TBC1D8: variants seen among roughly 807,000 people sequenced by gnomAD.
TBC1D8 encodes the protein TBC1 domain family member 8.
In TBC1D8, 65 loss-of-function variants were observed where a neutral mutation model predicts 118.8. That is an observed-to-expected ratio of 0.55 (90% CI 0.45 to 0.67). The LOEUF (loss-of-function observed/expected upper bound fraction) is 0.67. Ranked by LOEUF, TBC1D8 falls within the 30% of genes least tolerant of loss-of-function variation. The pLI is 0.00. For missense variants in TBC1D8, 1,376 were observed against 1,471.2 expected (o/e 0.94, Z 1.06); for synonymous variants, 566 against 595.8 (o/e 0.95, Z 0.73).
chr2:101,039,940 T>C (rs1180825335), intron 6 of TBC1D8, among the ~76,000 whole-genome samples: 1 of 152,158 alleles, frequency 6.6e-6, no homozygotes, highest in Non-Finnish European at 1.5e-5. Flanking sequence ...TTTTCAGCAG[T>C]CACTTGTTGG....
intron 3 of TBC1D8, among the ~76,000 whole-genome samples, chr2:101,056,266 T>C (rs988267237): frequency 1.7e-4 from 25 of 151,388 alleles, no homozygotes; most frequent in African/African-American, 5.8e-4. Flanking sequence ...TGCAGTGGCG[T>C]GATCTCGGCT....
chr2:101,043,030 G>A (rs1681477913), intron 5 of TBC1D8, among the ~76,000 whole-genome samples: 1 of 152,176 alleles, frequency 6.6e-6, no homozygotes, highest in Admixed American at 6.5e-5. Flanking sequence ...CCATCACACA[G>A]AGATGGCACA....
intron 1 of TBC1D8, among the ~76,000 whole-genome samples, chr2:101,121,755 T>C (rs1294886406): frequency 1.3e-5 from 2 of 152,314 alleles, no homozygotes; most frequent in South Asian, 4.1e-4. Flanking sequence ...AGGACTGATA[T>C]ACAGAGTTCA....
At chr2:101,099,107 G>A (rs893194573) in intron 1 of TBC1D8, among the ~76,000 whole-genome samples, 1 of 147,464 alleles carries the variant, frequency 6.8e-6, no homozygotes, top group African/African-American at 2.5e-5. Flanking sequence ...AAATTAACAA[G>A]ACCACTAGCT....
At chr2:101,085,073 G>C (rs545426052) in intron 2 of TBC1D8, among the ~76,000 whole-genome samples, 1 of 151,730 alleles carries the variant, frequency 6.6e-6, no homozygotes, top group African/African-American at 2.4e-5. Flanking sequence ...GGATGGTCGC[G>C]ATCTCCTGAC....
In TBC1D8 at chr2:101,108,792, T is replaced by G. The variant is rs1677396881; in HGVS notation, c.128-18428A>C. Among the ~76,000 whole-genome samples the G allele has an allele frequency of 2.1e-5, 3 of 141,292 alleles. No homozygotes were observed. The South Asian group carries it at 7.5e-4, about 35-fold the overall frequency. 92.7% of individuals were successfully genotyped at this position (141,292 alleles called of 152,430 possible). A position where few individuals can be genotyped will look rare whatever the true frequency, so the allele number is the denominator to read the frequency against. On this transcript the variant is annotated intron_variant, in intron 1 of 19. Coordinates refer to ENST00000409318, the MANE Select transcript of TBC1D8 (RefSeq NM_001330348.2). ...CAGCTGATAAGCAACCTTACTTCCA[T>G]CTACTACCTTAATGCTCCTTTGTCA...
intron 2 of TBC1D8, among the ~76,000 whole-genome samples, chr2:101,068,957 G>A (rs1402744342): frequency 1.3e-5 from 2 of 150,306 alleles, no homozygotes; most frequent in African/African-American, 4.9e-5. Flanking sequence ...CAGAGATCGC[G>A]CCACTGCACT....
chr2:101,142,042 C>G (rs984537408), intron 1 of TBC1D8, among the ~76,000 whole-genome samples: 6 of 152,088 alleles, frequency 3.9e-5, no homozygotes, highest in African/African-American at 1.2e-4. Context: ...CTGACAATAT[C>G]AAGCATTAGC....
chr2:101,075,166 G>C (rs185791844), intron 2 of TBC1D8, among the ~76,000 whole-genome samples: 179 of 152,300 alleles, frequency 1.2e-3, no homozygotes, highest in African/African-American at 3.9e-3. Context: ...GGAGGCCAAG[G>C]CGGGCAGATC....
chr2:101,071,419 G>A (rs1157991988), intron 2 of TBC1D8, among the ~76,000 whole-genome samples: 1 of 152,150 alleles, frequency 6.6e-6, no homozygotes, highest in African/African-American at 2.4e-5. Context: ...CTGGTTATTG[G>A]GCCCTGTGGG....
chr2:101,017,827 CAG>C (rs747367362), intron 17 of TBC1D8: 2 of 1,549,476 alleles, frequency 1.3e-6, no homozygotes, highest in South Asian at 2.4e-5. Context: ...CTAATACTAA[CAG>C]TGAAGCAGCT....
chr2:101,038,343 C>A (rs1681159133), intron 7 of TBC1D8, 118 bp downstream of exon 7: 2 of 1,179,708 alleles, frequency 1.7e-6, no homozygotes, highest in Non-Finnish European at 2.4e-6. Flanking sequence ...GACAGCAGAC[C>A]ACACACAGGC....
intron 1 of TBC1D8, among the ~76,000 whole-genome samples, chr2:101,127,484 A>G (rs1410599401): frequency 6.6e-6 from 1 of 152,146 alleles, no homozygotes; most frequent in Non-Finnish European, 1.5e-5. Context: ...TGTAGAGAAC[A>G]GACGTCAGTA....
rs772502730 is a variant in TBC1D8, at chr2:101,032,381, A to G, written c.1823T>C (p.Met608Thr). 1 of 1,613,548 alleles carries G rather than the reference A, an allele frequency of 6.2e-7. No homozygotes were observed. Among genetic ancestry groups the G allele is most frequent in the South Asian group, 1.1e-5 (1 of 91,060 alleles). ...CAGCAGCACGGAGGTCAGGATGTTC[A>G]TGGACTGCTCGGGGGTCAAGGAGGG... Reference protein sequence around the residue: ...RNPKIGYCQSMNILTSVLLLY... With the variant: ...RNPKIGYCQSTNILTSVLLLY... Residue 608 changes from methionine (M) to threonine (T), a missense_variant, in exon 11 of 20, where the codon ATG becomes ACG. By Grantham distance (81) the Met-to-Thr change is moderately conservative. Coordinates refer to ENST00000409318, the MANE Select transcript of TBC1D8 (RefSeq NM_001330348.2).
chr2:101,059,209 G>A (rs1682616095), intron 3 of TBC1D8, among the ~76,000 whole-genome samples: 1 of 102,304 alleles, frequency 9.8e-6, no homozygotes. Context: ...GCCCAGCCAA[G>A]TCTTTTTTTT....
At chr2:101,073,815 T>C (rs934935839) in intron 2 of TBC1D8, among the ~76,000 whole-genome samples, 2 of 152,256 alleles carry the variant, frequency 1.3e-5, no homozygotes, top group African/African-American at 4.8e-5. Flanking sequence ...TCTCTCAACC[T>C]TCACAGAATT....
intron 1 of TBC1D8, among the ~76,000 whole-genome samples, chr2:101,103,016 G>T (rs776005258): frequency 2.6e-5 from 4 of 152,056 alleles, no homozygotes; most frequent in Non-Finnish European, 5.9e-5. Context: ...TTACAGTAAG[G>T]AGGCCAACGT....
At chr2:101,100,219 C>G (rs1676737617) in intron 1 of TBC1D8, among the ~76,000 whole-genome samples, 1 of 152,058 alleles carries the variant, frequency 6.6e-6, no homozygotes, top group Non-Finnish European at 1.5e-5. Context: ...ACACCAACAA[C>G]AGACAAGCAG....
chr2:101,011,564 A>T, intron 17 of TBC1D8, 24 bp from the exon 18 acceptor site: 2 of 1,612,774 alleles, frequency 1.2e-6, no homozygotes, highest in Non-Finnish European at 1.7e-6. Flanking sequence ...GAGAGGTTTA[A>T]ATTAAACAAA....
Sources: gnomAD v4.1 joint callset for allele counts (sites outside exome capture counted in the v4.1 genomes callset) on GRCh38, gnomAD v4.1.1 for gene constraint, MANE v1.5 for transcripts, NCBI Gene and HGNC (gene_info 2026-07-23, HGNC 2026-07-21) for gene names.